Variants in FAM177A1 observed in about 807,000 individuals in gnomAD.
FAM177A1 encodes the protein family with sequence similarity 177 member A1.
In FAM177A1, 22 loss-of-function variants were observed where a neutral mutation model predicts 26.1. The observed-to-expected ratio is 0.84, with a 90% confidence interval of 0.60 to 1.20. The LOEUF is 1.20. Among genes scored for constraint, FAM177A1 ranks in the 50% most tolerant of loss-of-function variants. FAM177A1 has a pLI of 0.00. For synonymous variants in FAM177A1, 95 were observed against 99.3 expected (o/e 0.96, Z 0.26); for missense variants, 296 against 291.1 (o/e 1.02, Z -0.12).
At position 35,055,441 on chromosome 14, in the gene FAM177A1, GT is replaced by G. The variant is rs770110194; in HGVS notation, c.339+2006del. 5.7e-3 allele frequency among the ~76,000 whole-genome samples: 776 copies of G among 136,718 alleles called. 5 individuals are homozygous for G. Among genetic ancestry groups the G allele is most frequent in the Middle Eastern group, 0.018 (5 of 272 alleles). 89.7% of individuals were successfully genotyped at this position (136,718 alleles called of 152,430 possible). ...AGAATTGCTGGGTCATGCAATAACT[GT>G]TTTTTTTTTTTTTTTGAGACAGGGT... On this transcript the variant is annotated intron_variant, in intron 2 of 4. Transcript: ENST00000280987.
intron 1 of FAM177A1, among the ~76,000 whole-genome samples, chr14:35,051,061 T>A (rs1488446730): frequency 6.6e-6 from 1 of 152,194 alleles, no homozygotes; most frequent in Admixed American, 6.5e-5. Context: ...GAATTGTGAC[T>A]TTTTTTCATG....
intron 2 of FAM177A1, among the ~76,000 whole-genome samples, chr14:35,069,190 A>G (rs897424096): frequency 1.4e-4 from 21 of 152,048 alleles, no homozygotes; most frequent in Non-Finnish European, 2.4e-4. Context: ...TTAAATGTGT[A>G]TAGCTAAATC....
chr14:35,070,300 A>ACTTTCGGGT (rs995145848), intron 2 of FAM177A1, among the ~76,000 whole-genome samples: 7 of 151,706 alleles, frequency 4.6e-5, no homozygotes, highest in African/African-American at 1.7e-4. Context: ...CTGGGATTAC[A>ACTTTCGGGT]GGCATGAGCC....
chr14:35,057,225 G>A lies in FAM177A1; in HGVS notation c.339+3774G>A, dbSNP rs191744319. On this transcript the variant is annotated intron_variant, in intron 2 of 4. Coordinates refer to ENST00000280987, the MANE Select transcript of FAM177A1 (RefSeq NM_173607.5). The stretch of plus-strand genomic sequence containing the variant: ...CCTTAGTTTTATTCCATAAATTTTT[G>A]TTGTTGTTCTTGTTGTTTACAAATG... Among the ~76,000 whole-genome samples, 161 of 152,108 alleles carry A rather than the reference G, an allele frequency of 1.1e-3. 1 individual carries two copies. Among genetic ancestry groups the A allele is most frequent in the African/African-American group, 3.6e-3 (148 of 41,474 alleles).
In FAM177A1 at chr14:35,083,102, C is replaced by T. The variant is rs993657789; in HGVS notation, c.*1874C>T. On this transcript the variant is annotated 3_prime_UTR_variant, in exon 5 of 5. Coordinates refer to ENST00000280987, the MANE Select transcript of FAM177A1 (RefSeq NM_173607.5). ...TAACTTCATTCGAGATAGTACCTCT[C>T]ACTCACAGATATTTATTTGGTTATC... 1 of 152,592 alleles carries T rather than the reference C, an allele frequency of 6.6e-6. No homozygotes were observed. Among genetic ancestry groups the T allele is most frequent in the Non-Finnish European group, 1.5e-5 (1 of 68,042 alleles). The allele number at this position is 152,592 out of a possible 1,614,324, so 9.5% of individuals were successfully genotyped here.
intron 2 of FAM177A1, among the ~76,000 whole-genome samples, chr14:35,061,785 A>G (rs1188532234): frequency 2.0e-5 from 3 of 151,846 alleles, no homozygotes; most frequent in African/African-American, 7.3e-5. Flanking sequence ...AAAAAGCTGT[A>G]AGTATTTTTG....
At chr14:35,050,258 C>T (rs1019650636) in intron 1 of FAM177A1, 2 of 152,114 alleles carry the variant, frequency 1.3e-5, no homozygotes, top group African/African-American at 4.8e-5. Flanking sequence ...GTCTGCCCGC[C>T]TCAGTCTCCC....
chr14:35,052,347 G>A (rs962694007), intron 1 of FAM177A1, among the ~76,000 whole-genome samples: 10 of 151,476 alleles, frequency 6.6e-5, no homozygotes, highest in Non-Finnish European at 1.2e-4. Flanking sequence ...TCAGCCTCCC[G>A]AGTAGTTGGG....
chr14:35,046,838 C>T, intron 1 of FAM177A1: 2 of 1,357,582 alleles, frequency 1.5e-6, no homozygotes, highest in Non-Finnish European at 1.9e-6. Flanking sequence ...TGGCTGGCAG[C>T]ACAGCAGACT....
At position 35,058,725 on chromosome 14, in the gene FAM177A1, C is replaced by T. The variant is rs371858634; in HGVS notation, c.339+5274C>T. Among the ~76,000 whole-genome samples, 108 of 152,112 alleles carry T rather than the reference C, an allele frequency of 7.1e-4. 1 individual carries two copies. The East Asian group carries it at 9.1e-3, about 13-fold the overall frequency. Reference sequence around the variant, plus strand: ...CCTTGTCTCTACAAAAGATAAAAAACATTAGCCATGCGTGGTGGCACACAC... The same window carrying T: ...CCTTGTCTCTACAAAAGATAAAAAATATTAGCCATGCGTGGTGGCACACAC... On this transcript the variant is annotated intron_variant, in intron 2 of 4. Transcript: ENST00000280987.
At chr14:35,056,676 C>T (rs1427046076) in intron 2 of FAM177A1, among the ~76,000 whole-genome samples, 1 of 151,902 alleles carries the variant, frequency 6.6e-6, no homozygotes, top group Non-Finnish European at 1.5e-5. Flanking sequence ...TTTGAATGTT[C>T]GGAAGACTTC....
chr14:35,049,573 C>T (rs1174953378), intron 1 of FAM177A1, among the ~76,000 whole-genome samples: 1 of 152,136 alleles, frequency 6.6e-6, no homozygotes, highest in Non-Finnish European at 1.5e-5. Flanking sequence ...CACTTGAGGT[C>T]AGGAGTTCGA....
intron 2 of FAM177A1, among the ~76,000 whole-genome samples, chr14:35,066,981 G>A (rs1019466674): frequency 2.6e-5 from 4 of 151,948 alleles, no homozygotes; most frequent in South Asian, 2.1e-4. Context: ...TTATAGGGAC[G>A]GGGTTTCTCC....
intron 2 of FAM177A1, among the ~76,000 whole-genome samples, chr14:35,054,467 A>G (rs983526328): frequency 6.6e-6 from 1 of 152,300 alleles, no homozygotes; most frequent in African/African-American, 2.4e-5. Flanking sequence ...AACAGGTACT[A>G]TTTTAGGTGC....
intron 2 of FAM177A1, among the ~76,000 whole-genome samples, chr14:35,061,894 G>A (rs1174867789): frequency 6.6e-6 from 1 of 152,100 alleles, no homozygotes; most frequent in East Asian, 1.9e-4. Context: ...GCTCAAGGTA[G>A]AGCCTCCATT....
In FAM177A1 at chr14:35,081,951, T is replaced by C. The variant is rs957360759; in HGVS notation, c.*723T>C. The C allele has an allele frequency of 4.0e-5, 4 of 101,234 alleles. No homozygotes were observed. The highest frequency in any genetic ancestry group is 9.9e-4 in the East Asian group (2 of 2,022). 6.3% of individuals were successfully genotyped at this position (101,234 alleles called of 1,614,324 possible). On this transcript the variant is annotated 3_prime_UTR_variant, in exon 5 of 5. Coordinates refer to ENST00000280987, the MANE Select transcript of FAM177A1 (RefSeq NM_173607.5). ...AGTGAATATCCATGTGGCATCCTGG[T>C]TATGTTATCGGTTCAGCGTTAATCC...
rs757742252 is a variant in FAM177A1, at chr14:35,046,530, A to T, written c.67A>T (p.Thr23Ser). 3.1e-6 allele frequency: 5 copies of T among 1,603,096 alleles called. No individual in the cohort carries two copies. The South Asian group carries it at 5.6e-5, about 18-fold the overall frequency. ...CGCCAGCAGCCCTGTGGTGGCGACG[A>T]CGATGGACCAGGAGCCAGTGGGCGG... ...TSASSPVVAT[T>S]MDQEPVGGVE... is the part of the protein sequence containing the mutation. Residue 23 changes from threonine (T) to serine (S), a missense_variant, in exon 1 of 5, where the codon ACG becomes TCG. Transcript: ENST00000280987.
chr14:35,060,435 A>G (rs2045133669), intron 2 of FAM177A1, among the ~76,000 whole-genome samples: 1 of 151,976 alleles, frequency 6.6e-6, no homozygotes, highest in Non-Finnish European at 1.5e-5. Context: ...TGTTAAATCC[A>G]GCATCTTGTC....
rs954285242 is a variant in FAM177A1 at position 35,070,772 on chromosome 14, G to A, written c.340-6378G>A. Among the ~76,000 whole-genome samples the A allele has an allele frequency of 3.9e-5, 6 of 152,196 alleles. No homozygotes were observed. The South Asian group carries it at 6.2e-4, about 16-fold the overall frequency. On this transcript the variant is annotated intron_variant, in intron 2 of 4. Coordinates refer to ENST00000280987, the MANE Select transcript of FAM177A1 (RefSeq NM_173607.5). Reference sequence around the variant, plus strand: ...GTTAATTCCACCTTTAGGAATTTAAGCAGATTAAGTAAATAGGCTTAATAT... The same window carrying A: ...GTTAATTCCACCTTTAGGAATTTAAACAGATTAAGTAAATAGGCTTAATAT...
Sources: gnomAD v4.1 joint callset for allele counts (sites outside exome capture counted in the v4.1 genomes callset) on GRCh38, gnomAD v4.1.1 for gene constraint, MANE v1.5 for transcripts, NCBI Gene and HGNC (gene_info 2026-07-23, HGNC 2026-07-21) for gene names.